CACNA1C: variants seen among roughly 807,000 people sequenced by gnomAD.
CACNA1C encodes voltage-dependent L-type calcium channel subunit alpha-1C.
Under a neutral mutation model 229.0 loss-of-function variants are expected in CACNA1C, and 30 were observed. The observed-to-expected ratio is 0.13, with a 90% CI of 0.10 to 0.18. The LOEUF (loss-of-function observed/expected upper bound fraction) is 0.18, where lower values mean the gene tolerates loss of function less well. Among genes scored for constraint, CACNA1C ranks in the 10% least tolerant of loss-of-function variants. The probability of loss-of-function intolerance (pLI) is 1.00; values close to 1 mark genes in which losing one functional copy is unlikely to be tolerated. For synonymous variants in CACNA1C, 1,114 were observed against 1,132.5 expected (o/e 0.98, Z 0.33); for missense variants, 1,658 against 2,845.0 (o/e 0.58, Z 9.49).
chr12:2,327,574 C>T (rs1191171807), intron 3 of CACNA1C, among the ~76,000 whole-genome samples: 1 of 152,222 alleles, frequency 6.6e-6, no homozygotes, highest in Non-Finnish European at 1.5e-5. Flanking sequence ...CCATTTCTAA[C>T]ATTCTGACCT....
intron 1 of CACNA1C, among the ~76,000 whole-genome samples, chr12:1,979,756 T>C (rs1170839358): frequency 1.3e-5 from 2 of 152,260 alleles, no homozygotes; most frequent in Non-Finnish European, 2.9e-5. Flanking sequence ...AAAGTTTCCA[T>C]TGCTCCACAT....
chr12:2,607,236 T>A, intron 26 of CACNA1C, 106 bp downstream of exon 26: 3 of 1,221,678 alleles, frequency 2.5e-6, no homozygotes, highest in Non-Finnish European at 3.4e-6. Context: ...CCTCTGGAGG[T>A]CATATTTACC....
At chr12:2,589,441 T>C (rs1175865991) in intron 18 of CACNA1C, among the ~76,000 whole-genome samples, 1 of 152,212 alleles carries the variant, frequency 6.6e-6, no homozygotes, top group African/African-American at 2.4e-5. Context: ...GCTCTCTAGG[T>C]GGAGACCCTG....
chr12:2,511,579 C>A (rs2099784035), intron 8 of CACNA1C, among the ~76,000 whole-genome samples: 2 of 152,008 alleles, frequency 1.3e-5, no homozygotes, highest in South Asian at 4.2e-4. Context: ...TGTACACACA[C>A]ACACACACAC....
rs770506179 is a variant in CACNA1C, at chr12:2,606,702, T to G, written c.3209+39T>G. 5.1e-6 allele frequency: 8 copies of G among 1,577,548 alleles called. No homozygotes were observed. The African/African-American group carries it at 1.1e-4, about 21-fold the overall frequency. On this transcript the variant is annotated intron_variant, in intron 25 of 46. Coordinates refer to ENST00000399655, the MANE Select transcript of CACNA1C (RefSeq NM_000719.7). The stretch of plus-strand genomic sequence containing the variant: ...GGAGGGCAGCCAGGGCCACGGCCGG[T>G]CAGCCCCAGGAGGCTGGAGGCTTGA...
Position 2,053,218 on chromosome 12 carries a change from T to C in CACNA1C, c.-345T>C. 1 of 1,013,232 alleles carries C rather than the reference T, an allele frequency of 9.9e-7. No homozygotes were observed. The highest frequency in any genetic ancestry group is 4.2e-5 in the South Asian group (1 of 23,784). 62.8% of individuals were successfully genotyped at this position (1,013,232 alleles called of 1,614,324 possible). A position where few individuals can be genotyped will look rare whatever the true frequency, so the allele number is the denominator to read the frequency against. On this transcript the variant is annotated 5_prime_UTR_variant, in exon 1 of 47. Transcript: ENST00000399655. The surrounding 1 kb of genome is among the most constrained non-coding windows in gnomAD (Gnocchi z 5.8). ...GGCCCCGCGCGCCCCCCGCCCCTCC[T>C]CTCCGCCTCTTCTCGCCCTGCCTCT...
In CACNA1C at chr12:2,215,256, T is replaced by C. The variant is rs572776408; in HGVS notation, c.477+94826T>C. Among the ~76,000 whole-genome samples, 2 of 152,308 alleles carry C rather than the reference T, an allele frequency of 1.3e-5. No individual in the cohort carries two copies. Among genetic ancestry groups the C allele is most frequent in the South Asian group, 4.1e-4 (2 of 4,824 alleles). On this transcript the variant is annotated intron_variant, in intron 3 of 46. Coordinates refer to ENST00000399655, the MANE Select transcript of CACNA1C (RefSeq NM_000719.7). This position sits in a 1 kb window ranked among gnomAD's most constrained non-coding sequence, Gnocchi z 5.0. Reference sequence around the variant, plus strand: ...GCATTCAGTGGGGCTTCAGTCTTCATTTTCCTTGTCCTTTGCACTTCCTCA... The same window carrying C: ...GCATTCAGTGGGGCTTCAGTCTTCACTTTCCTTGTCCTTTGCACTTCCTCA...
Position 2,575,692 on chromosome 12 carries a change from T to A in CACNA1C, c.1896-5898T>A, listed in dbSNP as rs1256679209. On this transcript the variant is annotated intron_variant, in intron 13 of 46. Coordinates refer to ENST00000399655, the MANE Select transcript of CACNA1C (RefSeq NM_000719.7). The surrounding 1 kb of genome is among the most constrained non-coding windows in gnomAD (Gnocchi z 4.0). ...ATTTTGGGCAGGTATCAAACTCAGT[T>A]ATGACCTTCTCTGGAACACAGAGAG... Among the ~76,000 whole-genome samples the A allele has an allele frequency of 6.6e-6, 1 of 152,216 alleles. No individual in the cohort carries two copies.
At chr12:2,495,941 C>A (rs185540035) in intron 7 of CACNA1C, among the ~76,000 whole-genome samples, 1 of 152,214 alleles carries the variant, frequency 6.6e-6, no homozygotes, top group Non-Finnish European at 1.5e-5. Flanking sequence ...GACCTTTCTA[C>A]GGCTGTTTCT....
At chr12:2,657,102 A>T (rs539992379) in intron 34 of CACNA1C, among the ~76,000 whole-genome samples, 1 of 152,332 alleles carries the variant, frequency 6.6e-6, no homozygotes, top group East Asian at 1.9e-4. Flanking sequence ...TCTTCCCTGG[A>T]GCAATTACTC....
At position 2,692,568 on chromosome 12, in the gene CACNA1C, C is replaced by CT. The variant is rs762410620; in HGVS notation, c.*1372dup. On this transcript the variant is annotated 3_prime_UTR_variant, in exon 47 of 47. Coordinates refer to ENST00000399655, the MANE Select transcript of CACNA1C (RefSeq NM_000719.7). The stretch of plus-strand genomic sequence containing the variant: ...GCTTCTGAAACGGGAATCAGTAACT[C>CT]TTTGCATTTTCTGTCCCACAAGATA... The CT allele has an allele frequency of 6.6e-6, 1 of 152,614 alleles. No individual in the cohort carries two copies. Among genetic ancestry groups the CT allele is most frequent in the Non-Finnish European group, 1.5e-5 (1 of 68,036 alleles). 9.5% of individuals were successfully genotyped at this position (152,614 alleles called of 1,614,324 possible). A position where few individuals can be genotyped will look rare whatever the true frequency, so the allele number is the denominator to read the frequency against.
intron 3 of CACNA1C, among the ~76,000 whole-genome samples, chr12:2,324,214 A>T (rs1009668521): frequency 8.5e-5 from 13 of 152,116 alleles, no homozygotes; most frequent in African/African-American, 3.1e-4. Flanking sequence ...AGCCCGGGGG[A>T]TGGGGCTGAC....
At chr12:2,458,461 C>T (rs1049626136) in intron 5 of CACNA1C, among the ~76,000 whole-genome samples, 1 of 152,212 alleles carries the variant, frequency 6.6e-6, no homozygotes, top group Non-Finnish European at 1.5e-5. Context: ...CCAAGGTGCT[C>T]CTGGGAGCTC....
chr12:1,999,502 G>A (rs536519367), intron 1 of CACNA1C, among the ~76,000 whole-genome samples: 1 of 152,268 alleles, frequency 6.6e-6, no homozygotes, highest in East Asian at 1.9e-4. Context: ...GATCGCTTGT[G>A]GCCAGGAGTT....
chr12:2,498,018 CTTGGTA>C (rs757767650), intron 7 of CACNA1C, among the ~76,000 whole-genome samples: 1 of 147,238 alleles, frequency 6.8e-6, no homozygotes, highest in East Asian at 2.0e-4. Flanking sequence ...CTATTAATCT[CTTGGTA>C]TTGGTGCTGC....
At chr12:2,412,051 G>C (rs1038968714) in intron 3 of CACNA1C, among the ~76,000 whole-genome samples, 6 of 152,088 alleles carry the variant, frequency 3.9e-5, no homozygotes, top group African/African-American at 1.4e-4. Context: ...CAAGACCCCG[G>C]CTCCCCACGC....
intron 1 of CACNA1C, chr12:2,004,423 G>T: frequency 6.2e-7 from 1 of 1,609,640 alleles, no homozygotes; most frequent in Non-Finnish European, 8.5e-7. Flanking sequence ...CTGCCGCCAC[G>T]GCTGCCATCT....
chr12:2,608,240 A>C lies in CACNA1C; in HGVS notation c.3357-271A>C, dbSNP rs1052700329. 6.6e-6 allele frequency among the ~76,000 whole-genome samples: 1 copy of C among 152,256 alleles called. No homozygotes were observed. The highest frequency in any genetic ancestry group is 1.5e-5 in the Non-Finnish European group (1 of 68,046). ...CATTTAAATAGCTCTTCACAGTTTC[A>C]AAACACCTTCCTATACATTATTCTA... On this transcript the variant is annotated intron_variant, in intron 26 of 46. Coordinates refer to ENST00000399655, the MANE Select transcript of CACNA1C (RefSeq NM_000719.7). This position sits in a 1 kb window ranked among gnomAD's most constrained non-coding sequence, Gnocchi z 4.2.
At chr12:2,619,805 A>G (rs113475212) in intron 29 of CACNA1C, among the ~76,000 whole-genome samples, 22 of 152,146 alleles carry the variant, frequency 1.4e-4, no homozygotes, top group Admixed American at 4.6e-4. Context: ...TTTGTTGAGC[A>G]GCTCACGTGC....
Sources: allele counts gnomAD v4.1 joint callset (sites outside exome capture counted in the v4.1 genomes callset), GRCh38; gene constraint gnomAD v4.1.1; non-coding constraint Gnocchi (gnomAD v3.1); transcripts MANE v1.5; gene names NCBI Gene and HGNC (gene_info 2026-07-23, HGNC 2026-07-21).